Variants in RBM14 observed in about 807,000 individuals in gnomAD.
RBM14 encodes RNA-binding protein 14.
RBM14 carries 5 observed loss-of-function variants against 52.8 expected under a neutral mutation model. The observed-to-expected ratio is 0.09, with a 90% CI of 0.05 to 0.20. The LOEUF (loss-of-function observed/expected upper bound fraction) is 0.20. Among genes scored for constraint, RBM14 ranks in the 10% least tolerant of loss-of-function variants. RBM14 has a pLI of 1.00. For missense variants in RBM14, 780 were observed against 926.6 expected (o/e 0.84, Z 2.05); for synonymous variants, 411 against 401.8 (o/e 1.02, Z -0.28).
rs1002950362 is a variant in RBM14, at chr11:66,616,650, G to C, written c.-71G>C. 4.0e-6 allele frequency: 6 copies of C among 1,493,696 alleles called. No homozygotes were observed. Among genetic ancestry groups the C allele is most frequent in the African/African-American group, 1.4e-5 (1 of 71,084 alleles). 92.5% of individuals were successfully genotyped at this position (1,493,696 alleles called of 1,614,324 possible). On this transcript the variant is annotated 5_prime_UTR_variant, in exon 1 of 3. Transcript: ENST00000310137. ...CAGCCATTCCTGAGGAGGACTGCCG[G>C]TCGTTCGGACGTCTTGCCTGTCGCT...
intron 1 of RBM14, among the ~76,000 whole-genome samples, chr11:66,617,890 AG>A (rs1858916208): frequency 1.3e-5 from 2 of 151,836 alleles, no homozygotes; most frequent in Non-Finnish European, 2.9e-5. Flanking sequence ...GTGACTTTGC[AG>A]GGGGGCATAC....
Position 66,625,038 on chromosome 11 carries a change from T to A in RBM14, c.1162T>A (p.Ser388Thr), listed in dbSNP as rs1354765009. The A allele has an allele frequency of 6.2e-7, 1 of 1,612,864 alleles. No individual in the cohort carries two copies. The highest frequency in any genetic ancestry group is 1.1e-5 in the South Asian group (1 of 91,022). Residue 388 changes from serine (S) to threonine (T), a missense_variant, in exon 2 of 3, where the codon TCT becomes ACT. By Grantham distance (58) the Ser-to-Thr change is moderately conservative. Coordinates refer to ENST00000310137, the MANE Select transcript of RBM14 (RefSeq NM_006328.4). This position sits in a 1 kb window ranked among gnomAD's most constrained non-coding sequence, Gnocchi z 4.2. The part of the protein sequence containing the change: ...GAQAASYGAQ[S>T]AASSLAYGAQ... ...TCAGGCAGCCTCCTATGGGGCCCAG[T>A]CTGCAGCCTCCTCACTAGCTTATGG...
At chr11:66,619,343 G>A (rs1035277136) in intron 1 of RBM14, 1 of 152,174 alleles carries the variant, frequency 6.6e-6, no homozygotes, top group African/African-American at 2.4e-5. Flanking sequence ...CAGGAGCTTA[G>A]ATAGGATTTG....
chr11:66,629,119 G>C lies in RBM14; in HGVS notation c.*2451G>C, dbSNP rs1398314471. Among the ~76,000 whole-genome samples the C allele has an allele frequency of 1.3e-5, 2 of 152,176 alleles. No individual in the cohort carries two copies. Among genetic ancestry groups the C allele is most frequent in the Non-Finnish European group, 2.9e-5 (2 of 68,032 alleles). ...CTCTTTTATTTTAATTATGCCACCT[G>C]TGTTAATCCTATAGCCTGCTTCTTT... On this transcript the variant is annotated 3_prime_UTR_variant, in exon 3 of 3. Coordinates refer to ENST00000310137, the MANE Select transcript of RBM14 (RefSeq NM_006328.4).
In RBM14 at chr11:66,624,529, G is replaced by A. The variant is rs1329491753; in HGVS notation, c.653G>A (p.Arg218His). The A allele has an allele frequency of 8.1e-6, 13 of 1,613,234 alleles. No individual in the cohort carries two copies. The highest frequency in any genetic ancestry group is 1.3e-5 in the African/African-American group (1 of 74,882). ...TTTGGTCGCGACCGCAGCCCTCTGC[G>A]CCGTTCACCTCCCCGAGCCTCTTAT... ...PFFGRDRSPL[R>H]RSPPRASYVA... The change falls in exon 2 of 3, where the codon CGC becomes CAC. Residue 218 changes from arginine to histidine, a missense_variant. By Grantham distance (29) the Arg-to-His change is conservative (BLOSUM62 0). Around this residue, in one of 4 missense-constraint regions of RBM14, gnomAD observed 675 missense variants for 697.3 expected, o/e 0.97. Coordinates refer to ENST00000310137, the MANE Select transcript of RBM14 (RefSeq NM_006328.4). This position sits in a 1 kb window ranked among gnomAD's most constrained non-coding sequence, Gnocchi z 4.7.
chr11:66,620,123 C>G (rs988100026), intron 1 of RBM14, among the ~76,000 whole-genome samples: 13 of 152,146 alleles, frequency 8.5e-5, no homozygotes, highest in Admixed American at 2.6e-4. Context: ...TTTAATCTAG[C>G]TAGGTCTGTG....
Position 66,628,112 on chromosome 11 carries a change from G to T in RBM14, c.*1444G>T, listed in dbSNP as rs151102399. On this transcript the variant is annotated 3_prime_UTR_variant, in exon 3 of 3. Coordinates refer to ENST00000310137, the MANE Select transcript of RBM14 (RefSeq NM_006328.4). ...AAGCTAACCAAATAGGGATGCTAGG[G>T]TTGGGTGGGGAATTGAGGACTCTTC... is the stretch of plus-strand genomic sequence containing the variant. Among the ~76,000 whole-genome samples the T allele has an allele frequency of 6.6e-6, 1 of 152,134 alleles. No individual in the cohort carries two copies. Among genetic ancestry groups the T allele is most frequent in the East Asian group, 1.9e-4 (1 of 5,194 alleles).
Position 66,616,727 on chromosome 11 carries a change from A to T in RBM14, c.7A>T (p.Ile3Leu). ...AGGTGGCTGCGGCGACAAAATGAAG[A>T]TATTCGTGGGCAACGTCGACGGGGC... MKIFVGNVDGADT... is the reference protein window; with the variant it reads MKLFVGNVDGADT... The change falls in exon 1 of 3, where the codon ATA becomes TTA. Residue 3 changes from isoleucine to leucine, a missense_variant. Around this residue, in one of 4 missense-constraint regions of RBM14, gnomAD observed 71 missense variants for 119.2 expected, o/e 0.60. Coordinates refer to ENST00000310137, the MANE Select transcript of RBM14 (RefSeq NM_006328.4). The T allele has an allele frequency of 6.3e-7, 1 of 1,591,800 alleles. No individual in the cohort carries two copies. Among genetic ancestry groups the T allele is most frequent in the Non-Finnish European group, 8.6e-7 (1 of 1,163,922 alleles).
In RBM14 at chr11:66,625,648, C is replaced by A. The variant is rs763865829; in HGVS notation, c.1772C>A (p.Pro591His). ...LSPPRASYDD[P>H]YKKAVAMSKR... ...CCACCCCGGGCCAGCTACGACGATC[C>A]CTACAAAAAGGCTGTCGCCATGTCG... The change falls in exon 2 of 3, where the codon CCC (proline) becomes CAC (histidine). Residue 591 changes from proline to histidine, a missense_variant. Physicochemically the swap from Pro to His is moderately conservative, Grantham distance 77. Around this residue, in one of 4 missense-constraint regions of RBM14, gnomAD observed 675 missense variants for 697.3 expected, o/e 0.97. Coordinates refer to ENST00000310137, the MANE Select transcript of RBM14 (RefSeq NM_006328.4). This position sits in a 1 kb window ranked among gnomAD's most constrained non-coding sequence, Gnocchi z 4.2. The A allele has an allele frequency of 3.1e-6, 5 of 1,612,422 alleles. No individual in the cohort carries two copies. The highest frequency in any genetic ancestry group is 4.2e-6 in the Non-Finnish European group (5 of 1,179,944).
chr11:66,621,129 C>CG (rs1401645313), intron 1 of RBM14, among the ~76,000 whole-genome samples: 8 of 151,966 alleles, frequency 5.3e-5, no homozygotes, highest in African/African-American at 1.9e-4. Context: ...CCTCAGTCTC[C>CG]CAAAGTATTA....
chr11:66,625,488 G>A lies in RBM14; in HGVS notation c.1612G>A (p.Ala538Thr), dbSNP rs1260060995. The A allele has an allele frequency of 1.2e-6, 2 of 1,612,952 alleles. No individual in the cohort carries two copies. Among genetic ancestry groups the A allele is most frequent in the Non-Finnish European group, 1.7e-6 (2 of 1,179,622 alleles). The part of the protein sequence containing the change: ...YAAQQHPQAA[A>T]SYRGQPGNAY... ...TGCCCAGCAGCATCCCCAGGCTGCT[G>A]CCTCCTACCGCGGCCAGCCAGGCAA... The change falls in exon 2 of 3, where the codon GCC (alanine) becomes ACC (threonine). Residue 538 changes from alanine (A) to threonine (T), a missense_variant. Transcript: ENST00000310137. This position sits in a 1 kb window ranked among gnomAD's most constrained non-coding sequence, Gnocchi z 4.2.
rs1187621349 is a variant in RBM14, at chr11:66,616,740, A to G, written c.20A>G (p.Asn7Ser). 1.3e-6 allele frequency: 2 copies of G among 1,594,522 alleles called. No homozygotes were observed. The highest frequency in any genetic ancestry group is 8.6e-7 in the Non-Finnish European group (1 of 1,165,448). Residue 7 changes from asparagine to serine, a missense_variant, in exon 1 of 3, where the codon AAC (asparagine) becomes AGC (serine). By Grantham distance (46) the Asn-to-Ser change is conservative. Coordinates refer to ENST00000310137, the MANE Select transcript of RBM14 (RefSeq NM_006328.4). MKIFVG[N>S]VDGADTTPEE... is the part of the protein sequence containing the mutation. ...GACAAAATGAAGATATTCGTGGGCA[A>G]CGTCGACGGGGCGGATACGACTCCG...
rs1209335977 is a variant in RBM14, at chr11:66,629,214, CACTG to C, written c.*2548_*2551del. On this transcript the variant is annotated 3_prime_UTR_variant, in exon 3 of 3. Coordinates refer to ENST00000310137, the MANE Select transcript of RBM14 (RefSeq NM_006328.4). The stretch of plus-strand genomic sequence containing the variant: ...TAGGTTGAGTGAATGGGAGGACAGA[CACTG>C]AATGTGTGTTTTGGAAAAATGGACT... 1.3e-5 allele frequency among the ~76,000 whole-genome samples: 2 copies of C among 152,282 alleles called. No individual in the cohort carries two copies. The highest frequency in any genetic ancestry group is 2.9e-5 in the Non-Finnish European group (2 of 68,026).
chr11:66,622,376 G>C (rs1265736759), intron 1 of RBM14, among the ~76,000 whole-genome samples: 3 of 151,720 alleles, frequency 2.0e-5, no homozygotes. Flanking sequence ...TGGAATTATA[G>C]GTGTGCACCA....
chr11:66,617,807 T>C (rs1205881432), intron 1 of RBM14, among the ~76,000 whole-genome samples: 1 of 152,228 alleles, frequency 6.6e-6, no homozygotes, highest in Non-Finnish European at 1.5e-5. Context: ...GCTTGTTTTA[T>C]GAAGTCCCCT....
In RBM14 at chr11:66,628,210, G is replaced by A. The variant is rs1377885400; in HGVS notation, c.*1542G>A. On this transcript the variant is annotated 3_prime_UTR_variant, in exon 3 of 3. Coordinates refer to ENST00000310137, the MANE Select transcript of RBM14 (RefSeq NM_006328.4). ...TGACATTTCCAACCAGGGACAAAATGGAGGCTTGGGCTTAGTGATGGGTAA... is the reference window on the plus strand; with the variant it reads ...TGACATTTCCAACCAGGGACAAAATAGAGGCTTGGGCTTAGTGATGGGTAA... Among the ~76,000 whole-genome samples, 1 of 152,150 alleles carries A rather than the reference G, an allele frequency of 6.6e-6. No individual in the cohort carries two copies. Among genetic ancestry groups the A allele is most frequent in the East Asian group, 1.9e-4 (1 of 5,194 alleles).
In RBM14 at chr11:66,626,801, T is replaced by C. The variant is rs376416853; in HGVS notation, c.*133T>C. ...TTTCATGCCCTCTACCATGTGGGCC[T>C]TCCCCAGGAGATGATCCTGTTAAGT... On this transcript the variant is annotated 3_prime_UTR_variant, in exon 3 of 3. Transcript: ENST00000310137. 1.4e-4 allele frequency: 126 copies of C among 874,514 alleles called. No homozygotes were observed. The highest frequency in any genetic ancestry group is 1.4e-3 in the East Asian group (53 of 37,414). 54.2% of individuals were successfully genotyped at this position (874,514 alleles called of 1,614,324 possible).
intron 1 of RBM14, among the ~76,000 whole-genome samples, chr11:66,619,666 A>T (rs1270062384): frequency 1.3e-5 from 2 of 150,538 alleles, no homozygotes; most frequent in Admixed American, 1.3e-4. Context: ...TCCTGGGTTC[A>T]CGCCATTCTC....
At chr11:66,623,376 C>T (rs1449826447) in intron 1 of RBM14, among the ~76,000 whole-genome samples, 1 of 152,178 alleles carries the variant, frequency 6.6e-6, no homozygotes, top group Non-Finnish European at 1.5e-5. Flanking sequence ...TGCTTCTAAG[C>T]CTAAATTTTT....
Sources: gnomAD v4.1 joint callset for allele counts (sites outside exome capture counted in the v4.1 genomes callset) on GRCh38, gnomAD v4.1.1 for gene constraint, gnomAD v4.1.1 regional missense constraint, Gnocchi (gnomAD v3.1) non-coding constraint, MANE v1.5 for transcripts, NCBI Gene and HGNC (gene_info 2026-07-23, HGNC 2026-07-21) for gene names.